The following MRE11 variants were observed in gnomAD, a reference collection of about 807,000 sequenced individuals.
The protein encoded by MRE11 is double-strand break repair protein MRE11.
A neutral mutation model predicts 91.7 loss-of-function variants in MRE11; 62 were observed. That is an observed-to-expected ratio of 0.68 (90% CI 0.55 to 0.84). The LOEUF (loss-of-function observed/expected upper bound fraction) is 0.84. Ranked by LOEUF, MRE11 falls within the 40% of genes least tolerant of loss-of-function variation. MRE11 has a pLI of 0.00. For missense variants in MRE11, 796 were observed against 852.9 expected (o/e 0.93, Z 0.83); for synonymous variants, 273 against 271.4 (o/e 1.01, Z -0.06).
At chr11:94,491,635 T>C (rs1293644560) in intron 2 of MRE11, among the ~76,000 whole-genome samples, 1 of 152,236 alleles carries the variant, frequency 6.6e-6, no homozygotes, top group Admixed American at 6.5e-5. Flanking sequence ...CAGGCATTAT[T>C]ATCTCTGACA....
chr11:94,510,307 T>C, the MRE11 span, among the ~76,000 whole-genome samples: 40 of 152,356 alleles, frequency 2.6e-4, no homozygotes, highest in African/African-American at 7.9e-4. Context: ...TTCCTATCTT[T>C]TTAATGCCTG....
At chr11:94,438,302 A>C (rs888799996) in intron 16 of MRE11, among the ~76,000 whole-genome samples, 1 of 152,232 alleles carries the variant, frequency 6.6e-6, no homozygotes, top group Admixed American at 6.5e-5. Flanking sequence ...AAAATCCTGC[A>C]AAGTCCAAAA....
At chr11:94,481,078 G>A (rs148997177) in intron 4 of MRE11, among the ~76,000 whole-genome samples, 3 of 152,292 alleles carry the variant, frequency 2.0e-5, no homozygotes, top group African/African-American at 4.8e-5. Flanking sequence ...GGAGGCCGAG[G>A]TGGGCAGATC....
At chr11:94,494,621 G>A (rs1351021983), upstream of MRE11, among the ~76,000 whole-genome samples, 1 of 152,094 alleles carries the variant, frequency 6.6e-6, no homozygotes, top group African/African-American at 2.4e-5. Context: ...GGAATATCAG[G>A]AATATCATCA....
intron 18 of MRE11, among the ~76,000 whole-genome samples, chr11:94,431,429 T>G (rs1945459950): frequency 6.6e-6 from 1 of 152,202 alleles, no homozygotes; most frequent in Non-Finnish European, 1.5e-5. Flanking sequence ...ATGCTGTAAT[T>G]AGAAACACCA....
At chr11:94,507,306 T>C in the MRE11 span, among the ~76,000 whole-genome samples, 1 of 152,268 alleles carries the variant, frequency 6.6e-6, no homozygotes, top group Non-Finnish European at 1.5e-5. Context: ...AGCAGGGTTT[T>C]GTTCTTTTTA....
intron 16 of MRE11, among the ~76,000 whole-genome samples, chr11:94,442,859 CT>C (rs1204061357): frequency 5.9e-5 from 9 of 152,116 alleles, no homozygotes; most frequent in Non-Finnish European, 1.3e-4. Context: ...TCCAGGCTGC[CT>C]TTTCTCTCTT....
chr11:94,465,540 C>T (rs13447646), intron 10 of MRE11, among the ~76,000 whole-genome samples: 34,599 of 151,658 alleles, frequency 0.23, 4,538 homozygotes, highest in East Asian at 0.31. Flanking sequence ...GGATTACAGG[C>T]ATGCACCACC....
chr11:94,491,088 CTTAGAG>C (rs1336774924), intron 2 of MRE11, 123 bp from the exon 3 acceptor site: 1 of 681,138 alleles, frequency 1.5e-6, no homozygotes, highest in East Asian at 2.8e-5. Flanking sequence ...TTTTTTTAGC[CTTAGAG>C]TTCATCTGAA....
At chr11:94,499,850 C>T in the MRE11 span, among the ~76,000 whole-genome samples, 26 of 152,246 alleles carry the variant, frequency 1.7e-4, no homozygotes, top group Admixed American at 1.0e-3. Flanking sequence ...AGCCATCCTA[C>T]GTAACCCAGT....
At chr11:94,468,208 T>C (rs1333069564) in intron 9 of MRE11, among the ~76,000 whole-genome samples, 1 of 152,170 alleles carries the variant, frequency 6.6e-6, no homozygotes, top group Admixed American at 6.5e-5. Flanking sequence ...GTAAGTCTAG[T>C]TTTTGCAGTC....
At chr11:94,466,610 C>G (rs1414569689) in intron 10 of MRE11, 3 of 396,946 alleles carry the variant, frequency 7.6e-6, no homozygotes, top group Non-Finnish European at 5.4e-6. Context: ...TGCGGTTGCT[C>G]AAGGTCATAC....
intron 4 of MRE11, among the ~76,000 whole-genome samples, chr11:94,480,010 G>A (rs986536464): frequency 1.3e-5 from 2 of 152,158 alleles, no homozygotes; most frequent in Non-Finnish European, 2.9e-5. Context: ...GTATGTATGA[G>A]TAGTATATCT....
chr11:94,464,262 G>T lies in MRE11; in HGVS notation c.1099-23C>A, dbSNP rs767528400. ...CACCTGAAAACACAGAATAATCTAT[G>T]AACGCTAGGAAACAACAATTTGCCA... On this transcript the variant is annotated intron_variant, in intron 10 of 19. Transcript: ENST00000323929. 29 of 1,613,496 alleles carry T rather than the reference G, an allele frequency of 1.8e-5. 2 individuals are homozygous for T. The South Asian group carries it at 3.2e-4, about 18-fold the overall frequency.
chr11:94,434,354 T>C (rs991695390), intron 18 of MRE11, among the ~76,000 whole-genome samples: 1 of 151,918 alleles, frequency 6.6e-6, no homozygotes, highest in Non-Finnish European at 1.5e-5. Flanking sequence ...GGGGATAGAG[T>C]GGGATGAAAA....
chr11:94,510,303 T>A, the MRE11 span, among the ~76,000 whole-genome samples: 44 of 152,378 alleles, frequency 2.9e-4, no homozygotes, highest in African/African-American at 9.6e-4. Flanking sequence ...TATCTTCCTA[T>A]CTTTTTAATG....
intron 14 of MRE11, among the ~76,000 whole-genome samples, chr11:94,453,397 C>T (rs1393080686): frequency 2.0e-5 from 3 of 152,268 alleles, no homozygotes; most frequent in East Asian, 3.9e-4. Flanking sequence ...GAACTGCTAT[C>T]GTTTTCCTCA....
At chr11:94,454,289 G>C (rs1231112392) in intron 14 of MRE11, among the ~76,000 whole-genome samples, 1 of 151,956 alleles carries the variant, frequency 6.6e-6, no homozygotes, top group Non-Finnish European at 1.5e-5. Flanking sequence ...GCCCAGGCTG[G>C]TCTCAAACTC....
In MRE11 at chr11:94,464,161, T is replaced by C; in HGVS notation, c.1177A>G (p.Lys393Glu). ...TGCCTGAAAAAATGGATAATGTCTTTTGGATTAGCTACCCGATCCACAAAT... is the reference window on the plus strand; with the variant it reads ...TGCCTGAAAAAATGGATAATGTCTTCTGGATTAGCTACCCGATCCACAAAT... ...QKFVDRVANP[K>E]DIIHFFRHRE... Residue 393 changes from lysine to glutamate, a missense_variant, in exon 11 of 20, where the codon AAA (lysine) becomes GAA (glutamate). Transcript: ENST00000323929. 6.2e-7 allele frequency: 1 copy of C among 1,613,982 alleles called. No homozygotes were observed. Among genetic ancestry groups the C allele is most frequent in the Non-Finnish European group, 8.5e-7 (1 of 1,179,908 alleles).
Sources: allele counts gnomAD v4.1 joint callset (sites outside exome capture counted in the v4.1 genomes callset), GRCh38; gene constraint gnomAD v4.1.1; transcripts MANE v1.5; gene names NCBI Gene and HGNC (gene_info 2026-07-23, HGNC 2026-07-21).